SND1: variants seen among roughly 807,000 people sequenced by gnomAD.
The protein encoded by SND1 is staphylococcal nuclease domain-containing protein 1.
In SND1, 38 loss-of-function variants were observed where a neutral mutation model predicts 121.7. The ratio of observed to expected loss-of-function variants is 0.31; its 90% CI spans 0.24 to 0.41. SND1 has a LOEUF of 0.41. Among genes scored for constraint, SND1 ranks in the 10% least tolerant of loss-of-function variants. The pLI is 1.00. For missense variants in SND1, 868 were observed against 1,184.6 expected, an observed-to-expected ratio of 0.73 and a Z score of 3.92; for synonymous variants, 401 against 447.4, an observed-to-expected ratio of 0.90 and a Z score of 1.31.
At chr7:127,774,618 G>A (rs896260208) in intron 10 of SND1, among the ~76,000 whole-genome samples, 8 of 146,466 alleles carry the variant, frequency 5.5e-5, no homozygotes, top group African/African-American at 7.6e-5. Flanking sequence ...TTTCTCTGTC[G>A]CCCAGGCTGA....
intron 2 of SND1, among the ~76,000 whole-genome samples, chr7:127,689,659 A>G (rs1459568193): frequency 2.0e-5 from 3 of 152,142 alleles, no homozygotes; most frequent in African/African-American, 7.2e-5. Context: ...TATACAGTCT[A>G]GTGCTTTTTG....
At chr7:128,080,693 C>T (rs1793583952) in intron 17 of SND1, among the ~76,000 whole-genome samples, 1 of 152,178 alleles carries the variant, frequency 6.6e-6, no homozygotes, top group South Asian at 2.1e-4. Flanking sequence ...AGGGCTCTCA[C>T]ACTCGGACGT....
At chr7:128,084,551 C>T (rs1463475911) in intron 18 of SND1, among the ~76,000 whole-genome samples, 173 bp from the exon 19 acceptor site, 1 of 152,226 alleles carries the variant, frequency 6.6e-6, no homozygotes, top group African/African-American at 2.4e-5. Context: ...GGCATGAAAC[C>T]TCTGGAGTGG....
chr7:127,653,322 C>T (rs1168283164), intron 1 of SND1, among the ~76,000 whole-genome samples: 1 of 152,150 alleles, frequency 6.6e-6, no homozygotes, highest in Non-Finnish European at 1.5e-5. Context: ...CCCCAGTTGT[C>T]CTCCCCAAAA....
intron 11 of SND1, among the ~76,000 whole-genome samples, chr7:127,815,136 A>C (rs893024489): frequency 6.6e-6 from 1 of 152,172 alleles, no homozygotes; most frequent in African/African-American, 2.4e-5. Context: ...TAGCTTGGAC[A>C]GTCCTTCCTG....
chr7:127,691,372 C>T (rs1367586884), intron 2 of SND1, among the ~76,000 whole-genome samples: 1 of 151,744 alleles, frequency 6.6e-6, no homozygotes, highest in African/African-American at 2.4e-5. Context: ...GAAACCTTGT[C>T]TCTACTAAAA....
intron 15 of SND1, among the ~76,000 whole-genome samples, chr7:127,967,602 A>AC (rs1267881057): frequency 6.6e-6 from 1 of 152,026 alleles, no homozygotes; most frequent in African/African-American, 2.4e-5. Flanking sequence ...TCAGCACCCT[A>AC]CCCTTGCTGG....
chr7:127,884,538 G>A (rs545630123), intron 12 of SND1, among the ~76,000 whole-genome samples: 3 of 152,174 alleles, frequency 2.0e-5, no homozygotes, highest in South Asian at 2.1e-4. Flanking sequence ...TTCCTCTGAC[G>A]GACAATTTTG....
chr7:128,077,651 C>A (rs1793529208), intron 17 of SND1, among the ~76,000 whole-genome samples: 1 of 152,214 alleles, frequency 6.6e-6, no homozygotes, highest in African/African-American at 2.4e-5. Context: ...GACCGCAAAC[C>A]CTGGCATCAG....
chr7:127,887,015 C>CT, intron 12 of SND1, among the ~76,000 whole-genome samples: 1 of 151,810 alleles, frequency 6.6e-6, no homozygotes, highest in Middle Eastern at 3.4e-3. Context: ...TTTTTTCTTT[C>CT]TTTTTTGAGA....
chr7:127,702,150 G>A (rs1417465908), intron 5 of SND1, among the ~76,000 whole-genome samples: 2 of 152,162 alleles, frequency 1.3e-5, no homozygotes, highest in African/African-American at 4.8e-5. Flanking sequence ...TGGTACTCAG[G>A]TGAGAATCCT....
At chr7:127,798,542 G>T (rs930620919) in intron 10 of SND1, among the ~76,000 whole-genome samples, 3 of 151,962 alleles carry the variant, frequency 2.0e-5, no homozygotes, top group African/African-American at 7.3e-5. Context: ...AGTTGGAGGG[G>T]TATTGAATTC....
At chr7:128,079,594 G>A (rs1455926125) in intron 17 of SND1, among the ~76,000 whole-genome samples, 1 of 152,244 alleles carries the variant, frequency 6.6e-6, no homozygotes, top group African/African-American at 2.4e-5. Flanking sequence ...TTGGGCCTGG[G>A]AGATGTCTCA....
At chr7:127,819,703 C>T (rs1355125564) in intron 11 of SND1, among the ~76,000 whole-genome samples, 1 of 152,204 alleles carries the variant, frequency 6.6e-6, no homozygotes, top group African/African-American at 2.4e-5. Context: ...CAGCAGGCCA[C>T]CTCTGAAGAT....
chr7:127,791,883 T>G (rs573512716), intron 10 of SND1, among the ~76,000 whole-genome samples: 2 of 152,360 alleles, frequency 1.3e-5, no homozygotes, highest in South Asian at 4.1e-4. Context: ...TTGACACATT[T>G]AAGCTAACTT....
intron 15 of SND1, among the ~76,000 whole-genome samples, chr7:127,984,895 T>C (rs1201652140): frequency 6.6e-6 from 1 of 152,088 alleles, no homozygotes; most frequent in African/African-American, 2.4e-5. Flanking sequence ...CCAGTGTTAA[T>C]GTCAGTTCGT....
At chr7:127,738,995 G>T in intron 10 of SND1, among the ~76,000 whole-genome samples, 1 of 152,218 alleles carries the variant, frequency 6.6e-6, no homozygotes, top group East Asian at 1.9e-4. Context: ...CACAGGAAGT[G>T]TGAGTGGAGA....
At chr7:128,063,390 A>G (rs1793263466) in intron 16 of SND1, among the ~76,000 whole-genome samples, 1 of 152,160 alleles carries the variant, frequency 6.6e-6, no homozygotes, top group Non-Finnish European at 1.5e-5. Flanking sequence ...TGCTGGCCTC[A>G]CTGACTGAAG....
intron 1 of SND1, among the ~76,000 whole-genome samples, chr7:127,658,609 GC>G: frequency 6.6e-6 from 1 of 152,206 alleles, no homozygotes; most frequent in Non-Finnish European, 1.5e-5. Flanking sequence ...TGCCTAGCAA[GC>G]TTTAGTGAAC....
Sources: gnomAD v4.1 joint callset for allele counts (sites outside exome capture counted in the v4.1 genomes callset) on GRCh38, gnomAD v4.1.1 for gene constraint, MANE v1.5 for transcripts, NCBI Gene and HGNC (gene_info 2026-07-23, HGNC 2026-07-21) for gene names.